The following CPED1 variants were observed in gnomAD, a reference collection of about 807,000 sequenced individuals.
The protein encoded by CPED1 is cadherin-like and PC-esterase domain-containing protein 1.
CPED1 carries 114 observed loss-of-function variants against 128.2 expected under a neutral mutation model. The ratio of observed to expected loss-of-function variants is 0.89; its 90% CI spans 0.76 to 1.04. The LOEUF (loss-of-function observed/expected upper bound fraction) is 1.04. Among genes scored for constraint, CPED1 ranks in the 50% least tolerant of loss-of-function variants. CPED1 has a pLI of 0.00. For missense variants in CPED1, 1,211 were observed against 1,207.1 expected, an observed-to-expected ratio of 1.00 and a Z score of -0.05; for synonymous variants, 462 against 426.7, an observed-to-expected ratio of 1.08 and a Z score of -1.02.
At chr7:121,237,463 T>C (rs1321248826) in intron 17 of CPED1, among the ~76,000 whole-genome samples, 1 of 152,156 alleles carries the variant, frequency 6.6e-6, no homozygotes, top group African/African-American at 2.4e-5. Flanking sequence ...TGACATCAAA[T>C]TTAATTACTG....
chr7:121,133,900 A>G lies in CPED1; in HGVS notation c.1648+7A>G, dbSNP rs61128227. ...GCAATAGAAAATAAAAAAGGTAAAA[A>G]TATAGATATTCCCACTTATTTCAAC... is the stretch of plus-strand genomic sequence containing the variant. On this transcript the variant is annotated splice_region_variant and intron_variant, in intron 13 of 22. Transcript: ENST00000310396. 0.4 allele frequency: 600,233 copies of G among 1,495,960 alleles called. 127,620 individuals carry two copies. Among genetic ancestry groups the G allele is most frequent in the East Asian group, 0.64 (27,881 of 43,390 alleles). The allele number at this position is 1,495,960 out of a possible 1,614,324, so 92.7% of individuals were successfully genotyped here.
chr7:121,044,513 T>A (rs1793138045), intron 3 of CPED1, among the ~76,000 whole-genome samples: 1 of 152,010 alleles, frequency 6.6e-6, no homozygotes, highest in South Asian at 2.1e-4. Context: ...TAATTAAATA[T>A]CTTTGAGGGA....
At chr7:121,233,934 A>T (rs1472649942) in intron 16 of CPED1, among the ~76,000 whole-genome samples, 1 of 152,036 alleles carries the variant, frequency 6.6e-6, no homozygotes, top group Non-Finnish European at 1.5e-5. Flanking sequence ...TGGCCACAAG[A>T]TGGCTGCTCA....
chr7:121,213,231 A>G (rs922424843), intron 16 of CPED1, among the ~76,000 whole-genome samples: 2 of 152,022 alleles, frequency 1.3e-5, no homozygotes, highest in African/African-American at 4.8e-5. Context: ...GAAGTCAGAT[A>G]AACCCATGGT....
intron 16 of CPED1, among the ~76,000 whole-genome samples, chr7:121,234,165 G>C (rs1233983336): frequency 7.5e-6 from 1 of 134,140 alleles, no homozygotes; most frequent in East Asian, 2.0e-4. Context: ...AGGTTTTTCT[G>C]CTAAAAGGAA....
rs539242359 is a variant in CPED1, at chr7:121,120,966, T to TAA, written c.919-3345_919-3344dup. ...AGATAAAATAGGACAGTTCCTGACC[T>TAA]AAAAAAAAAAAAAAAAAAAAACAAA... On this transcript the variant is annotated intron_variant, in intron 7 of 22. Transcript: ENST00000310396. Among the ~76,000 whole-genome samples the TAA allele has an allele frequency of 2.9e-3, 266 of 91,606 alleles. 10 individuals are homozygous for TAA. The highest frequency in any genetic ancestry group is 4.0e-3 in the Non-Finnish European group (186 of 46,462). 60.1% of individuals were successfully genotyped at this position (91,606 alleles called of 152,430 possible).
At chr7:121,025,132 A>C (rs149596981) in intron 3 of CPED1, among the ~76,000 whole-genome samples, 48 of 152,220 alleles carry the variant, frequency 3.2e-4, no homozygotes, top group African/African-American at 1.1e-3. Flanking sequence ...CAAAATAATT[A>C]ACATTTTCCC....
chr7:121,032,602 G>A (rs1314026156), intron 3 of CPED1, among the ~76,000 whole-genome samples: 1 of 151,866 alleles, frequency 6.6e-6, no homozygotes, highest in Non-Finnish European at 1.5e-5. Flanking sequence ...TAATGTATGC[G>A]GGGCTTAAAA....
intron 3 of CPED1, among the ~76,000 whole-genome samples, chr7:121,037,353 A>G (rs894549097): frequency 2.6e-5 from 4 of 152,174 alleles, no homozygotes; most frequent in Admixed American, 6.6e-5. Context: ...ATTCTTCTAC[A>G]TATGGCTTTC....
rs1322860868 is a variant in CPED1, at chr7:121,031,989, C to T, written c.434-14898C>T. Among the ~76,000 whole-genome samples the T allele has an allele frequency of 2.6e-5, 4 of 152,118 alleles. No homozygotes were observed. The East Asian group carries it at 7.7e-4, about 29-fold the overall frequency. On this transcript the variant is annotated intron_variant, in intron 3 of 22. Coordinates refer to ENST00000310396, the MANE Select transcript of CPED1 (RefSeq NM_024913.5). Reference sequence around the variant, plus strand: ...GCAAAACCTAAAATTAGTGATATCACCTATTGATGGTGAGGATTCTGAGAA... The same window carrying T: ...GCAAAACCTAAAATTAGTGATATCATCTATTGATGGTGAGGATTCTGAGAA...
At chr7:121,292,556 T>C (rs1188397608) in intron 22 of CPED1, among the ~76,000 whole-genome samples, 1 of 152,086 alleles carries the variant, frequency 6.6e-6, no homozygotes, top group East Asian at 1.9e-4. Flanking sequence ...TTTTGTTCCC[T>C]TGCTGGCGAG....
At chr7:121,015,928 T>G (rs527584705) in intron 3 of CPED1, 80 bp downstream of exon 3, 1 of 1,048,974 alleles carries the variant, frequency 9.5e-7, no homozygotes, top group East Asian at 3.2e-5. Flanking sequence ...ACTATCTCCC[T>G]CTAAAAAAAT....
chr7:121,171,238 C>T (rs1463032616), intron 16 of CPED1, among the ~76,000 whole-genome samples: 1 of 152,046 alleles, frequency 6.6e-6, no homozygotes, highest in Non-Finnish European at 1.5e-5. Context: ...TGTCTCTATG[C>T]CAAAACATTA....
At chr7:121,021,882 G>A (rs1251739755) in intron 3 of CPED1, among the ~76,000 whole-genome samples, 2 of 152,138 alleles carry the variant, frequency 1.3e-5, no homozygotes, top group African/African-American at 4.8e-5. Flanking sequence ...TTTAAAATAT[G>A]CAGTAGTGTA....
chr7:121,210,109 C>T (rs1255430749), intron 16 of CPED1, among the ~76,000 whole-genome samples: 4 of 151,902 alleles, frequency 2.6e-5, no homozygotes, highest in African/African-American at 9.7e-5. Flanking sequence ...CTACAATGAG[C>T]TATCATCTCA....
At chr7:121,213,528 G>A (rs556473268) in intron 16 of CPED1, among the ~76,000 whole-genome samples, 8 of 151,924 alleles carry the variant, frequency 5.3e-5, no homozygotes, top group Middle Eastern at 3.4e-3. Context: ...CTGTCCTCCC[G>A]TAATTCCCAC....
intron 22 of CPED1, among the ~76,000 whole-genome samples, chr7:121,272,008 T>C (rs933741198): frequency 1.3e-5 from 2 of 152,134 alleles, no homozygotes; most frequent in African/African-American, 4.8e-5. Context: ...TGTGGATTAC[T>C]TCCTCCCTAA....
At chr7:121,100,226 C>A in intron 7 of CPED1, 132 bp downstream of exon 7, 1 of 783,616 alleles carries the variant, frequency 1.3e-6, no homozygotes, top group Non-Finnish European at 2.0e-6. Flanking sequence ...TTTATTGCCG[C>A]AAGAAAAGAT....
At position 121,224,923 on chromosome 7, in the gene CPED1, A is replaced by G. The variant is rs1467934114; in HGVS notation, c.2056-11791A>G. Among the ~76,000 whole-genome samples the G allele has an allele frequency of 4.0e-5, 6 of 148,710 alleles. 1 individual carries two copies. In the East Asian group the frequency reaches 1.2e-3, roughly 30 times the overall value. ...GCACACTGATGGGTCTTGACTCTTT[A>G]TCCAATTTGCCCATTTGTGTCTTTT... On this transcript the variant is annotated intron_variant, in intron 16 of 22. Transcript: ENST00000310396.
Sources: allele counts gnomAD v4.1 joint callset (sites outside exome capture counted in the v4.1 genomes callset), GRCh38; gene constraint gnomAD v4.1.1; transcripts MANE v1.5; gene names NCBI Gene and HGNC (gene_info 2026-07-23, HGNC 2026-07-21).